The following RBFOX3 variants were observed in gnomAD, a reference collection of about 807,000 sequenced individuals.
RBFOX3 encodes RNA binding fox-1 homolog 3.
Under a neutral mutation model 48.7 loss-of-function variants are expected in RBFOX3, and 17 were observed. The observed-to-expected ratio is 0.35, with a 90% CI of 0.24 to 0.52. RBFOX3 has a LOEUF of 0.52. RBFOX3 is among the 20% of genes least tolerant of loss of function. The pLI is 0.94. For missense variants in RBFOX3, 382 were observed against 497.5 expected (o/e 0.77, Z 2.21); for synonymous variants, 212 against 209.5 (o/e 1.01, Z -0.10).
In RBFOX3 at chr17:79,092,576, T is replaced by C. The variant is rs925332769; in HGVS notation, c.1078-1691A>G. The C allele has an allele frequency of 2.3e-5, 23 of 987,328 alleles. No homozygotes were observed. The African/African-American group carries it at 3.7e-4, about 16-fold the overall frequency. 61.2% of individuals were successfully genotyped at this position (987,328 alleles called of 1,614,324 possible). On this transcript the variant is annotated intron_variant, in intron 14 of 14. Transcript: ENST00000693108. ...TGTAATAGGCAGTCAGTGTGAATGCTGTTAGGGGCTGGGTCTCTTGCTAGT... is the reference window on the plus strand; with the variant it reads ...TGTAATAGGCAGTCAGTGTGAATGCCGTTAGGGGCTGGGTCTCTTGCTAGT...
At position 79,482,076 on chromosome 17, in the gene RBFOX3, C is replaced by A. The variant is rs1356287877; in HGVS notation, c.-175+378G>T. 6.6e-6 allele frequency among the ~76,000 whole-genome samples: 1 copy of A among 152,154 alleles called. No individual in the cohort carries two copies. The highest frequency in any genetic ancestry group is 6.5e-5 in the Admixed American group (1 of 15,282). On this transcript the variant is annotated intron_variant, in intron 2 of 14. Transcript: ENST00000693108. This position sits in a 1 kb window ranked among gnomAD's most constrained non-coding sequence, Gnocchi z 4.1. ...TCCCTGAGCCGCGGAGCAATCTGGG[C>A]AGCAGAACACGAACCGTGCAGGGGA... is the stretch of plus-strand genomic sequence containing the variant.
intron 2 of RBFOX3, among the ~76,000 whole-genome samples, chr17:79,366,386 A>T (rs1253309366): frequency 2.0e-5 from 3 of 152,122 alleles, no homozygotes; most frequent in Non-Finnish European, 1.5e-5. Flanking sequence ...CTTTTTCTTT[A>T]AAGTGTTTAT....
rs902814395 is a variant in RBFOX3, at chr17:79,516,585, C to T, written c.-319-33987G>A. ...CATCCCCAGAGGAGGTCCTGGGACC[C>T]TCATTCCTCTAATTACTCCTGAGAG... is the stretch of plus-strand genomic sequence containing the variant. On this transcript the variant is annotated intron_variant, in intron 1 of 14. Transcript: ENST00000693108. 2.4e-3 allele frequency among the ~76,000 whole-genome samples: 370 copies of T among 152,380 alleles called. 4 individuals are homozygous for T. Among genetic ancestry groups the T allele is most frequent in the African/African-American group, 8.5e-3 (354 of 41,592 alleles).
intron 3 of RBFOX3, among the ~76,000 whole-genome samples, chr17:79,236,942 G>A (rs1198080920): frequency 6.6e-6 from 1 of 152,116 alleles, no homozygotes; most frequent in African/African-American, 2.4e-5. Flanking sequence ...TACATGACTT[G>A]CACATTTTTT....
rs71161660 is a variant in RBFOX3, at chr17:79,318,854, C to CAAAAAAAAAAAAAAAAAAAAAAAAAA, written c.-174-11056_-174-11031dup. ...TGGGTGACAGAGCGAGACTCCATCT[C>CAAAAAAAAAAAAAAAAAAAAAAAAAA]AAAAAAAAAAAAAAAAAAAAAAAAA... On this transcript the variant is annotated intron_variant, in intron 2 of 14. Coordinates refer to ENST00000693108, the MANE Select transcript of RBFOX3 (RefSeq NM_001350451.2). Among the ~76,000 whole-genome samples the CAAAAAAAAAAAAAAAAAAAAAAAAAA allele has an allele frequency of 4.3e-4, 14 of 32,522 alleles. 1 individual carries two copies. Among genetic ancestry groups the CAAAAAAAAAAAAAAAAAAAAAAAAAA allele is most frequent in the Non-Finnish European group, 6.1e-4 (12 of 19,778 alleles). The allele number at this position is 32,522 out of a possible 152,430, so 21.3% of individuals were successfully genotyped here.
chr17:79,178,777 G>A (rs2051182405), intron 4 of RBFOX3, among the ~76,000 whole-genome samples: 1 of 152,204 alleles, frequency 6.6e-6, no homozygotes, highest in South Asian at 2.1e-4. Context: ...ATCATTCCCA[G>A]GGAGTGAGGG....
chr17:79,227,537 G>A (rs1156476648), intron 4 of RBFOX3, among the ~76,000 whole-genome samples: 1 of 152,248 alleles, frequency 6.6e-6, no homozygotes, highest in Non-Finnish European at 1.5e-5. Context: ...GCCAGTGGGG[G>A]ACTCTGCCAT....
chr17:79,187,441 C>T (rs2053640056), intron 4 of RBFOX3, among the ~76,000 whole-genome samples: 1 of 152,166 alleles, frequency 6.6e-6, no homozygotes, highest in Non-Finnish European at 1.5e-5. Flanking sequence ...TTGGCCGCGC[C>T]AAGCCGAGCC....
In RBFOX3 at chr17:79,481,939, C is replaced by A. The variant is rs1383386197; in HGVS notation, c.-175+515G>T. On this transcript the variant is annotated intron_variant, in intron 2 of 14. Transcript: ENST00000693108. This position sits in a 1 kb window ranked among gnomAD's most constrained non-coding sequence, Gnocchi z 5.4. ...GCACTTGGCCCAAACCCTGTGGAGT[C>A]TGACGCTGACTCCGGCGGTTAGTGT... 6.6e-6 allele frequency among the ~76,000 whole-genome samples: 1 copy of A among 152,146 alleles called. No individual in the cohort carries two copies. Among genetic ancestry groups the A allele is most frequent in the Non-Finnish European group, 1.5e-5 (1 of 68,026 alleles).
chr17:79,377,763 G>A (rs868423757), intron 2 of RBFOX3, among the ~76,000 whole-genome samples: 2 of 152,104 alleles, frequency 1.3e-5, no homozygotes, highest in Admixed American at 6.5e-5. Flanking sequence ...AGAAGCCCAC[G>A]GCTTTCTAGG....
chr17:79,316,328 C>T (rs2077538208), intron 2 of RBFOX3, among the ~76,000 whole-genome samples: 1 of 152,184 alleles, frequency 6.6e-6, no homozygotes. Context: ...AACACCACCC[C>T]AAGCCCAGGC....
At chr17:79,532,802 C>G (rs953979265) in intron 1 of RBFOX3, among the ~76,000 whole-genome samples, 4 of 152,158 alleles carry the variant, frequency 2.6e-5, no homozygotes, top group East Asian at 1.9e-4. Context: ...CCCTATGGCT[C>G]TCTTTCATCA....
intron 1 of RBFOX3, among the ~76,000 whole-genome samples, chr17:79,497,093 G>A (rs969373104): frequency 1.4e-4 from 21 of 152,136 alleles, no homozygotes; most frequent in Non-Finnish European, 2.8e-4. Context: ...GGTGGAAGCG[G>A]AAGTCCTGGG....
rs766877092 is a variant in RBFOX3, at chr17:79,276,214, C to T, written c.-74+31510G>A. The stretch of plus-strand genomic sequence containing the variant: ...AGAGGACTGTCCCCCAAGGGCTGGC[C>T]GAGGCAGAAATGAGTGACTCTGGTG... On this transcript the variant is annotated intron_variant, in intron 3 of 14. Transcript: ENST00000693108. Among the ~76,000 whole-genome samples, 7 of 152,140 alleles carry T rather than the reference C, an allele frequency of 4.6e-5. No individual in the cohort carries two copies. In the East Asian group the frequency reaches 5.8e-4, roughly 13 times the overall value.
In RBFOX3 at chr17:79,480,657, G is replaced by T. The variant is rs1036275705; in HGVS notation, c.-175+1797C>A. ...CATGCCCACACGTTGCTGCCTCGGCGCCTTGGCACTGGCCATTCCCTCTGT... is the reference window on the plus strand; with the variant it reads ...CATGCCCACACGTTGCTGCCTCGGCTCCTTGGCACTGGCCATTCCCTCTGT... On this transcript the variant is annotated intron_variant, in intron 2 of 14. Coordinates refer to ENST00000693108, the MANE Select transcript of RBFOX3 (RefSeq NM_001350451.2). This position sits in a 1 kb window ranked among gnomAD's most constrained non-coding sequence, Gnocchi z 4.8. Among the ~76,000 whole-genome samples the T allele has an allele frequency of 6.6e-6, 1 of 151,974 alleles. No homozygotes were observed. The highest frequency in any genetic ancestry group is 2.4e-5 in the African/African-American group (1 of 41,354).
At chr17:79,491,972 C>T (rs2080743258) in intron 1 of RBFOX3, among the ~76,000 whole-genome samples, 2 of 152,270 alleles carry the variant, frequency 1.3e-5, no homozygotes, top group Non-Finnish European at 1.5e-5. Context: ...ATCCCAGCTA[C>T]TCGAGAGGCA....
intron 4 of RBFOX3, among the ~76,000 whole-genome samples, chr17:79,191,478 C>T (rs1466841269): frequency 6.6e-6 from 1 of 152,186 alleles, no homozygotes; most frequent in Non-Finnish European, 1.5e-5. Context: ...AAAGCCAAAG[C>T]GTCAGCTCAT....
At chr17:79,216,951 G>A (rs987027332) in intron 4 of RBFOX3, among the ~76,000 whole-genome samples, 9 of 152,114 alleles carry the variant, frequency 5.9e-5, no homozygotes, top group Admixed American at 1.3e-4. Context: ...TCTCCCCACC[G>A]TGGTGGCAGC....
intron 4 of RBFOX3, among the ~76,000 whole-genome samples, chr17:79,152,530 T>C (rs1443515577): frequency 6.6e-6 from 1 of 152,162 alleles, no homozygotes. Context: ...TTCTGTGAGC[T>C]TCTTCACCCC....
Sources: gnomAD v4.1 joint callset for allele counts (sites outside exome capture counted in the v4.1 genomes callset) on GRCh38, gnomAD v4.1.1 for gene constraint, Gnocchi (gnomAD v3.1) non-coding constraint, MANE v1.5 for transcripts, NCBI Gene and HGNC (gene_info 2026-07-23, HGNC 2026-07-21) for gene names.